L2HGDH: variants seen among roughly 807,000 people sequenced by gnomAD.
The protein encoded by L2HGDH is L-2-hydroxyglutarate dehydrogenase, also known as L-2-hydroxyglutarate dehydrogenase, mitochondrial.
L2HGDH carries 34 observed loss-of-function variants against 51.5 expected under a neutral mutation model. The ratio of observed to expected loss-of-function variants is 0.66; its 90% CI spans 0.50 to 0.88. The LOEUF is 0.88. Ranked by LOEUF, L2HGDH falls within the 40% of genes least tolerant of loss-of-function variation. The pLI, the probability that L2HGDH is intolerant of heterozygous loss-of-function variation, is 0.00. For synonymous variants in L2HGDH, 198 were observed against 197.9 expected, an observed-to-expected ratio of 1.00 and a Z score of -0.01; for missense variants, 558 against 571.9, an observed-to-expected ratio of 0.98 and a Z score of 0.25.
At chr14:50,265,847 G>A (rs1448411779) in intron 8 of L2HGDH, among the ~76,000 whole-genome samples, 2 of 152,314 alleles carry the variant, frequency 1.3e-5, no homozygotes, top group Non-Finnish European at 1.5e-5. Flanking sequence ...CCAGGAGGCA[G>A]AGGTTGCAGT....
intron 9 of L2HGDH, among the ~76,000 whole-genome samples, chr14:50,263,672 A>G (rs1347669818): frequency 6.6e-6 from 1 of 152,086 alleles, no homozygotes; most frequent in Non-Finnish European, 1.5e-5. Context: ...TGGCTTGCTC[A>G]GGAAAAAAGG....
chr14:50,310,446 C>G (rs1161202043), intron 1 of L2HGDH, among the ~76,000 whole-genome samples: 1 of 152,066 alleles, frequency 6.6e-6, no homozygotes, highest in Non-Finnish European at 1.5e-5. Context: ...GTGGCTCACA[C>G]CTGTAATCTC....
chr14:50,273,538 T>C (rs958452329), intron 6 of L2HGDH, among the ~76,000 whole-genome samples: 3 of 151,990 alleles, frequency 2.0e-5, no homozygotes, highest in African/African-American at 7.2e-5. Context: ...AGGGAAGACA[T>C]TGGTCTCAGC....
chr14:50,248,441 T>G (rs1888136601), intron 9 of L2HGDH, among the ~76,000 whole-genome samples: 1 of 152,262 alleles, frequency 6.6e-6, no homozygotes, highest in Non-Finnish European at 1.5e-5. Flanking sequence ...AGCTATTATT[T>G]AGTAAGTGCT....
intron 9 of L2HGDH, among the ~76,000 whole-genome samples, chr14:50,264,551 T>C (rs1235390880): frequency 6.6e-6 from 1 of 152,166 alleles, no homozygotes; most frequent in Non-Finnish European, 1.5e-5. Flanking sequence ...CAAGGTGAGA[T>C]GCCAGGTCTA....
At chr14:50,266,068 C>G (rs988537851) in intron 8 of L2HGDH, among the ~76,000 whole-genome samples, 3 of 151,750 alleles carry the variant, frequency 2.0e-5, no homozygotes, top group Admixed American at 1.3e-4. Context: ...CTCGCTTAAG[C>G]CCAGGAGTTT....
At chr14:50,292,524 T>C (rs1258965297) in intron 4 of L2HGDH, among the ~76,000 whole-genome samples, 1 of 151,972 alleles carries the variant, frequency 6.6e-6, no homozygotes, top group Non-Finnish European at 1.5e-5. Flanking sequence ...CTGACCAACG[T>C]GGAGAAACCC....
intron 1 of L2HGDH, among the ~76,000 whole-genome samples, chr14:50,308,325 T>G (rs1292924401): frequency 1.3e-5 from 2 of 149,570 alleles, no homozygotes; most frequent in Non-Finnish European, 2.9e-5. Flanking sequence ...AGGAGGCCTC[T>G]GCGGTGAGCC....
chr14:50,278,493 C>A, intron 6 of L2HGDH, 27 bp downstream of exon 6: 1 of 1,434,236 alleles, frequency 7.0e-7, no homozygotes, highest in Non-Finnish European at 9.8e-7. Context: ...AAGAAAGTAG[C>A]CAGCAGTTTT....
At chr14:50,296,020 T>G (rs552224921) in intron 3 of L2HGDH, among the ~76,000 whole-genome samples, 1 of 152,008 alleles carries the variant, frequency 6.6e-6, no homozygotes, top group South Asian at 2.1e-4. Flanking sequence ...ATTACAGGCG[T>G]GAGCCACCAC....
intron 8 of L2HGDH, 132 bp downstream of exon 8, chr14:50,267,621 A>T: frequency 1.4e-6 from 1 of 705,254 alleles, no homozygotes; most frequent in Non-Finnish European, 2.4e-6. Flanking sequence ...TTTAATTTGG[A>T]TTAATACAAC....
chr14:50,311,904 G>C, intron 1 of L2HGDH, 107 bp downstream of exon 1: 1 of 1,459,628 alleles, frequency 6.9e-7, no homozygotes, highest in Non-Finnish European at 9.2e-7. Flanking sequence ...ACCCCAACCT[G>C]CTCTCACCCC....
intron 3 of L2HGDH, among the ~76,000 whole-genome samples, chr14:50,297,759 A>G (rs1171498938): frequency 6.6e-6 from 1 of 152,206 alleles, no homozygotes; most frequent in African/African-American, 2.4e-5. Flanking sequence ...ATCAATAACA[A>G]GAGGAATTTT....
At chr14:50,304,639 T>A (rs1470707204) in intron 1 of L2HGDH, among the ~76,000 whole-genome samples, 1 of 152,106 alleles carries the variant, frequency 6.6e-6, no homozygotes, top group Non-Finnish European at 1.5e-5. Flanking sequence ...GTTGAGACCA[T>A]CCTGACTAAC....
At chr14:50,283,519 A>G (rs991912429) in intron 5 of L2HGDH, among the ~76,000 whole-genome samples, 3 of 152,142 alleles carry the variant, frequency 2.0e-5, no homozygotes, top group African/African-American at 7.2e-5. Flanking sequence ...CAATATAAGT[A>G]CAGCTGTTCC....
In L2HGDH at chr14:50,243,611, A is replaced by G; in HGVS notation, c.*3447T>C. ...AAACGTTTTACAAGCAGAATAACCTACATATTCAAAACACTTTCAACAAAT... is the reference window on the plus strand; with the variant it reads ...AAACGTTTTACAAGCAGAATAACCTGCATATTCAAAACACTTTCAACAAAT... On this transcript the variant is annotated 3_prime_UTR_variant, in exon 10 of 10. Transcript: ENST00000267436. The G allele has an allele frequency of 1.3e-6, 1 of 799,926 alleles. No individual in the cohort carries two copies. Among genetic ancestry groups the G allele is most frequent in the Non-Finnish European group, 1.5e-6 (1 of 661,624 alleles). The allele number at this position is 799,926 out of a possible 1,614,324, so 49.6% of individuals were successfully genotyped here. A position where few individuals can be genotyped will look rare whatever the true frequency, so the allele number is the denominator to read the frequency against.
At chr14:50,278,703 C>T in intron 5 of L2HGDH, 149 bp from the exon 6 acceptor site, 1 of 591,692 alleles carries the variant, frequency 1.7e-6, no homozygotes, top group Non-Finnish European at 3.1e-6. Context: ...TACCAAATAA[C>T]AATTAAACTA....
intron 4 of L2HGDH, 45 bp downstream of exon 4, chr14:50,294,070 C>G: frequency 1.2e-6 from 2 of 1,606,834 alleles, no homozygotes; most frequent in Non-Finnish European, 8.5e-7. Flanking sequence ...CTCCATGTCT[C>G]AGGACTAAGC....
intron 6 of L2HGDH, among the ~76,000 whole-genome samples, chr14:50,276,274 C>A (rs1889975508): frequency 6.6e-6 from 1 of 152,154 alleles, no homozygotes; most frequent in African/African-American, 2.4e-5. Context: ...GAGATGCTTG[C>A]CAAAGGCAAA....
Sources: allele counts gnomAD v4.1 joint callset (sites outside exome capture counted in the v4.1 genomes callset), GRCh38; gene constraint gnomAD v4.1.1; transcripts MANE v1.5; gene names NCBI Gene and HGNC (gene_info 2026-07-23, HGNC 2026-07-21).